The following HDAC9 variants were observed in gnomAD, a reference collection of about 807,000 sequenced individuals.
HDAC9 encodes the protein histone deacetylase 9, also known as MEF-2 interacting transcription repressor (MITR) protein.
Under a neutral mutation model 139.4 loss-of-function variants are expected in HDAC9, and 41 were observed. That is an observed-to-expected ratio of 0.29 (90% CI 0.23 to 0.38). The LOEUF is 0.38. HDAC9 is among the 10% of genes least tolerant of loss of function. The pLI, the probability that HDAC9 is intolerant of heterozygous loss-of-function variation, is 1.00. For synonymous variants in HDAC9, 517 were observed against 476.2 expected, an observed-to-expected ratio of 1.09 and a Z score of -1.12; for missense variants, 1,147 against 1,297.0, an observed-to-expected ratio of 0.88 and a Z score of 1.78.
At chr7:18,330,041 C>A (rs1289539042) in intron 1 of HDAC9, among the ~76,000 whole-genome samples, 1 of 151,076 alleles carries the variant, frequency 6.6e-6, no homozygotes, top group Non-Finnish European at 1.5e-5. Context: ...GTATGATACC[C>A]ACCTCTCATA....
At chr7:18,117,514 A>G (rs891380826) in intron 1 of HDAC9, among the ~76,000 whole-genome samples, 2 of 151,880 alleles carry the variant, frequency 1.3e-5, no homozygotes, top group African/African-American at 4.8e-5. Flanking sequence ...TTAAAAAAAA[A>G]AAAAAGAGAA....
At chr7:18,688,735 C>T (rs570447157) in intron 12 of HDAC9, among the ~76,000 whole-genome samples, 19 of 151,860 alleles carry the variant, frequency 1.3e-4, no homozygotes, top group Admixed American at 2.6e-4. Context: ...CACACATTCA[C>T]GGGAAATGTC....
chr7:18,198,522 G>A (rs2128157586), intron 2 of HDAC9, among the ~76,000 whole-genome samples: 1 of 152,140 alleles, frequency 6.6e-6, no homozygotes, highest in African/African-American at 2.4e-5. Context: ...CTCCTCATAT[G>A]TTTCTAGATA....
chr7:18,523,541 C>T (rs750659629), intron 2 of HDAC9, among the ~76,000 whole-genome samples: 6 of 152,110 alleles, frequency 3.9e-5, no homozygotes, highest in Non-Finnish European at 8.8e-5. Context: ...ACATTATCTT[C>T]GTGCCAAAAT....
At chr7:18,137,593 A>G (rs548515347) in intron 1 of HDAC9, among the ~76,000 whole-genome samples, 2 of 150,742 alleles carry the variant, frequency 1.3e-5, no homozygotes, top group African/African-American at 4.9e-5. Context: ...CTCTGTTTAT[A>G]TGCTGGATTA....
At chr7:18,925,126 A>G (rs138667852) in intron 22 of HDAC9, among the ~76,000 whole-genome samples, 376 of 152,268 alleles carry the variant, frequency 2.5e-3, no homozygotes, top group Middle Eastern at 0.014. Context: ...ACAGTCATTA[A>G]CGTTTGAGGA....
chr7:18,583,204 A>G (rs183849212), intron 2 of HDAC9, among the ~76,000 whole-genome samples: 1 of 152,326 alleles, frequency 6.6e-6, no homozygotes, highest in East Asian at 1.9e-4. Flanking sequence ...CATATAATAA[A>G]AAAGCAAAAA....
chr7:18,472,411 T>A (rs1794793655), intron 1 of HDAC9, among the ~76,000 whole-genome samples: 1 of 152,118 alleles, frequency 6.6e-6, no homozygotes, highest in Non-Finnish European at 1.5e-5. Context: ...CCAATTTATG[T>A]CCCCATCTCC....
At chr7:18,187,932 T>G (rs1218092323) in intron 2 of HDAC9, among the ~76,000 whole-genome samples, 1 of 152,206 alleles carries the variant, frequency 6.6e-6, no homozygotes, top group East Asian at 1.9e-4. Context: ...GCTAAAATAA[T>G]TCATAGATTC....
At chr7:18,923,945 A>C (rs902109441) in intron 22 of HDAC9, among the ~76,000 whole-genome samples, 1 of 151,996 alleles carries the variant, frequency 6.6e-6, no homozygotes, top group Non-Finnish European at 1.5e-5. Context: ...TGATTTTTTT[A>C]ATGGCAGGTG....
intron 13 of HDAC9, among the ~76,000 whole-genome samples, chr7:18,741,312 T>C (rs1787430134): frequency 1.3e-5 from 2 of 152,228 alleles, no homozygotes; most frequent in Admixed American, 1.3e-4. Flanking sequence ...CTAGTGGCTT[T>C]AAGTTGAAGC....
intron 12 of HDAC9, among the ~76,000 whole-genome samples, chr7:18,716,158 T>C (rs1231134647): frequency 6.6e-6 from 1 of 152,214 alleles, no homozygotes; most frequent in Non-Finnish European, 1.5e-5. Flanking sequence ...AGACCAGAGC[T>C]CTATTGTTCA....
chr7:18,290,441 A>G (rs978561992), exon 1 of HDAC9: 10 of 456,034 alleles, frequency 2.2e-5, no homozygotes, highest in African/African-American at 1.8e-4. Flanking sequence ...ACGGATACAG[A>G]AAAGTTCAGA....
chr7:18,956,862 G>C (rs1033377075), intron 24 of HDAC9, among the ~76,000 whole-genome samples: 3 of 152,080 alleles, frequency 2.0e-5, no homozygotes, highest in Non-Finnish European at 4.4e-5. Flanking sequence ...AGCCTGCATG[G>C]TCACATAGGT....
chr7:18,810,094 A>G (rs1562957182), intron 17 of HDAC9, among the ~76,000 whole-genome samples: 1 of 152,000 alleles, frequency 6.6e-6, no homozygotes, highest in Non-Finnish European at 1.5e-5. Flanking sequence ...GGAAGACAAT[A>G]TGTTAAGTGA....
At chr7:18,714,303 TA>T (rs1784550034) in intron 12 of HDAC9, among the ~76,000 whole-genome samples, 1 of 152,236 alleles carries the variant, frequency 6.6e-6, no homozygotes, top group Admixed American at 6.5e-5. Flanking sequence ...TAATCATTTC[TA>T]ATGCAAATTT....
intron 2 of HDAC9, among the ~76,000 whole-genome samples, chr7:18,548,422 C>G (rs1815940055): frequency 6.6e-6 from 1 of 152,132 alleles, no homozygotes; most frequent in African/African-American, 2.4e-5. Context: ...GACACACTTG[C>G]TCAAAGCCGA....
intron 1 of HDAC9, among the ~76,000 whole-genome samples, chr7:18,131,117 A>T (rs758041149): frequency 5.9e-5 from 9 of 152,134 alleles, no homozygotes; most frequent in Non-Finnish European, 1.3e-4. Flanking sequence ...TATAATAGAC[A>T]AATTGCACAA....
At chr7:18,418,512 A>G (rs1789310101) in intron 1 of HDAC9, among the ~76,000 whole-genome samples, 1 of 151,960 alleles carries the variant, frequency 6.6e-6, no homozygotes, top group Admixed American at 6.6e-5. Flanking sequence ...GGGTAATTTA[A>G]TAGATTGTGG....
Sources: allele counts gnomAD v4.1 joint callset (sites outside exome capture counted in the v4.1 genomes callset), GRCh38; gene constraint gnomAD v4.1.1; transcripts MANE v1.5; gene names NCBI Gene and HGNC (gene_info 2026-07-23, HGNC 2026-07-21).